The following TMEM163 variants were observed in gnomAD, a reference collection of about 807,000 sequenced individuals.
TMEM163 encodes the protein transmembrane protein 163.
A neutral mutation model predicts 29.3 loss-of-function variants in TMEM163; 17 were observed. The observed-to-expected ratio is 0.58, with a 90% confidence interval of 0.40 to 0.87. TMEM163 has a LOEUF of 0.87. TMEM163 is among the 40% of genes least tolerant of loss of function. TMEM163 has a pLI of 0.00. For synonymous variants in TMEM163, 157 were observed against 160.6 expected (o/e 0.98, Z 0.17); for missense variants, 303 against 381.5 (o/e 0.79, Z 1.71).
rs115387433 is a variant in TMEM163, at chr2:134,629,479, T to C, written c.323-77388A>G. The stretch of plus-strand genomic sequence containing the variant: ...GATATAATTTTTGTAGATTAGAAGA[T>C]CTGCCTTATCACATGGCAAGTTTGT... On this transcript the variant is annotated intron_variant, in intron 2 of 7. Transcript: ENST00000281924. Among the ~76,000 whole-genome samples, 585 of 152,348 alleles carry C rather than the reference T, an allele frequency of 3.8e-3. 7 individuals are homozygous for C. Among genetic ancestry groups the C allele is most frequent in the African/African-American group, 0.013 (551 of 41,582 alleles).
At chr2:134,587,052 T>C (rs1050127109) in intron 2 of TMEM163, among the ~76,000 whole-genome samples, 7 of 141,356 alleles carry the variant, frequency 5.0e-5, no homozygotes, top group Admixed American at 3.0e-4. Context: ...TGAGAAGCCA[T>C]GGCCTTTAAA....
chr2:134,527,862 A>C (rs1242111111), intron 4 of TMEM163, among the ~76,000 whole-genome samples: 1 of 152,228 alleles, frequency 6.6e-6, no homozygotes, highest in Non-Finnish European at 1.5e-5. Flanking sequence ...TGTATGTTAG[A>C]TATAGGTCCA....
chr2:134,582,359 G>A (rs575105949), intron 2 of TMEM163, among the ~76,000 whole-genome samples: 52 of 152,318 alleles, frequency 3.4e-4, no homozygotes, highest in African/African-American at 1.1e-3. Context: ...GCTGCCATGC[G>A]GGGGCCGCTG....
At chr2:134,466,073 G>T (rs1233986840) in intron 6 of TMEM163, 41 bp downstream of exon 6, 2 of 1,465,388 alleles carry the variant, frequency 1.4e-6, no homozygotes, top group South Asian at 1.2e-5. Flanking sequence ...CCTCCACTGT[G>T]AGCCCAGCCC....
chr2:134,663,663 C>CTCCTGCATCCTTCCTCATCT (rs1683807044), intron 2 of TMEM163, among the ~76,000 whole-genome samples: 1 of 152,208 alleles, frequency 6.6e-6, no homozygotes, highest in Non-Finnish European at 1.5e-5. Flanking sequence ...TGCAAGCATC[C>CTCCTGCATCCTTCCTCATCT]TCCTGCATCC....
rs757346912 is a variant in TMEM163, at chr2:134,718,768, C to G, written c.168G>C (p.Glu56Asp). ...LEEERQVRIS[E>D]SGQFSDGLED... ...CCAGCCCGTCGCTGAACTGGCCGCT[C>G]TCGCTGATCCGCACCTGCCGCTCCT... Residue 56 changes from glutamate (E) to aspartate (D), a missense_variant, in exon 1 of 8, where the codon GAG (glutamate) becomes GAC (aspartate). This residue lies in a region of TMEM163 where 100 missense variants were observed against 87.2 expected (regional missense o/e 1.15). Coordinates refer to ENST00000281924, the MANE Select transcript of TMEM163 (RefSeq NM_030923.5). 5.2e-6 allele frequency: 6 copies of G among 1,154,150 alleles called. No homozygotes were observed. The highest frequency in any genetic ancestry group is 6.4e-6 in the Non-Finnish European group (6 of 938,278). The allele number at this position is 1,154,150 out of a possible 1,614,324, so 71.5% of individuals were successfully genotyped here. A position where few individuals can be genotyped will look rare whatever the true frequency, so the allele number is the denominator to read the frequency against.
At chr2:134,459,971 C>T (rs1353490359) in intron 6 of TMEM163, among the ~76,000 whole-genome samples, 1 of 152,006 alleles carries the variant, frequency 6.6e-6, no homozygotes, top group East Asian at 1.9e-4. Flanking sequence ...TCGCCCTCCG[C>T]TGCATGCTCC....
At chr2:134,526,281 A>G (rs1680298845) in intron 4 of TMEM163, among the ~76,000 whole-genome samples, 2 of 152,230 alleles carry the variant, frequency 1.3e-5, no homozygotes, top group African/African-American at 4.8e-5. Flanking sequence ...CACATTTAGC[A>G]GGACAACAGA....
At chr2:134,648,519 G>A (rs552839185) in intron 2 of TMEM163, among the ~76,000 whole-genome samples, 1 of 152,182 alleles carries the variant, frequency 6.6e-6, no homozygotes, top group Non-Finnish European at 1.5e-5. Context: ...ACCCTCTTCT[G>A]CCCAGAATTT....
At chr2:134,570,679 T>C (rs545229590) in intron 2 of TMEM163, among the ~76,000 whole-genome samples, 1 of 152,212 alleles carries the variant, frequency 6.6e-6, no homozygotes, top group Non-Finnish European at 1.5e-5. Flanking sequence ...CTGCAGAGTG[T>C]CCCATTCCCT....
chr2:134,562,377 C>T (rs555852299), intron 2 of TMEM163, among the ~76,000 whole-genome samples: 1 of 152,324 alleles, frequency 6.6e-6, no homozygotes, highest in African/African-American at 2.4e-5. Flanking sequence ...CTCTAACCCC[C>T]AATTATAATT....
At chr2:134,636,139 C>G (rs1016057631) in intron 2 of TMEM163, among the ~76,000 whole-genome samples, 5 of 152,196 alleles carry the variant, frequency 3.3e-5, no homozygotes, top group Non-Finnish European at 5.9e-5. Flanking sequence ...TCTGCCAGGA[C>G]CTGGTCTAGC....
intron 2 of TMEM163, among the ~76,000 whole-genome samples, chr2:134,658,713 TC>T (rs1193101673): frequency 6.6e-6 from 1 of 152,122 alleles, no homozygotes; most frequent in Non-Finnish European, 1.5e-5. Flanking sequence ...TTCTTCTGCC[TC>T]AGCCTCCTAA....
At chr2:134,690,811 C>A (rs1290169889) in intron 2 of TMEM163, among the ~76,000 whole-genome samples, 1 of 152,176 alleles carries the variant, frequency 6.6e-6, no homozygotes, top group Non-Finnish European at 1.5e-5. Flanking sequence ...GCCATTCCCA[C>A]CAGTGTAAAG....
chr2:134,666,932 C>A (rs1388185239), intron 2 of TMEM163, among the ~76,000 whole-genome samples: 3 of 152,308 alleles, frequency 2.0e-5, no homozygotes, highest in Admixed American at 2.0e-4. Context: ...AGGATGTCGT[C>A]TTCTCCATCA....
chr2:134,583,690 GCACT>G (rs1681747300), intron 2 of TMEM163, among the ~76,000 whole-genome samples: 1 of 152,130 alleles, frequency 6.6e-6, no homozygotes, highest in Admixed American at 6.5e-5. Context: ...TCATAGCCTA[GCACT>G]CACGCACCAT....
intron 6 of TMEM163, 126 bp from the exon 7 acceptor site, chr2:134,458,299 G>T: frequency 8.7e-7 from 1 of 1,145,542 alleles, no homozygotes; most frequent in Non-Finnish European, 1.2e-6. Flanking sequence ...AAGCTCTCAC[G>T]AGTGATAGCC....
chr2:134,570,903 T>C (rs531162464), intron 2 of TMEM163, among the ~76,000 whole-genome samples: 10 of 152,328 alleles, frequency 6.6e-5, no homozygotes, highest in Admixed American at 1.3e-4. Context: ...TCTGACATCA[T>C]TCGACCCCAT....
At chr2:134,615,652 T>TC (rs1682593735) in intron 2 of TMEM163, among the ~76,000 whole-genome samples, 1 of 24,346 alleles carries the variant, frequency 4.1e-5, no homozygotes, top group East Asian at 3.8e-4. Context: ...AGAGCAGAGC[T>TC]TTTTTTTTTT....
Sources: allele counts gnomAD v4.1 joint callset (sites outside exome capture counted in the v4.1 genomes callset), GRCh38; gene constraint gnomAD v4.1.1; regional missense constraint gnomAD v4.1.1; transcripts MANE v1.5; gene names NCBI Gene and HGNC (gene_info 2026-07-23, HGNC 2026-07-21).